SLC2A13: variants seen among roughly 807,000 people sequenced by gnomAD.
SLC2A13 encodes the protein solute carrier family 2 member 13.
In SLC2A13, 32 loss-of-function variants were observed where a neutral mutation model predicts 64.4. The observed-to-expected ratio is 0.50, with a 90% CI of 0.37 to 0.67. The LOEUF (loss-of-function observed/expected upper bound fraction) is 0.67, where lower values mean the gene tolerates loss of function less well. SLC2A13 is among the 30% of genes least tolerant of loss of function. The pLI, the probability that SLC2A13 is intolerant of heterozygous loss-of-function variation, is 0.00. For missense variants in SLC2A13, 743 were observed against 829.2 expected, an observed-to-expected ratio of 0.90 and a Z score of 1.28; for synonymous variants, 338 against 327.1, an observed-to-expected ratio of 1.03 and a Z score of -0.36.
chr12:40,058,726 A>C (rs1948372345), intron 1 of SLC2A13, among the ~76,000 whole-genome samples: 2 of 152,186 alleles, frequency 1.3e-5, no homozygotes, highest in Admixed American at 1.3e-4. Context: ...ATTTGAACAA[A>C]CTTTTTCCTG....
intron 1 of SLC2A13, among the ~76,000 whole-genome samples, chr12:40,077,372 C>T (rs1938216296): frequency 6.6e-6 from 1 of 152,172 alleles, no homozygotes; most frequent in Non-Finnish European, 1.5e-5. Flanking sequence ...TTGTATATGG[C>T]TAACCAGCTC....
intron 6 of SLC2A13, 200 bp from the exon 7 acceptor site, chr12:39,830,428 C>T: frequency 1.6e-6 from 2 of 1,287,780 alleles, no homozygotes; most frequent in Non-Finnish European, 2.0e-6. Context: ...CCTCTTTTGG[C>T]CACAGCAACT....
chr12:39,978,536 C>CT (rs1946810646), intron 3 of SLC2A13, among the ~76,000 whole-genome samples: 1 of 152,206 alleles, frequency 6.6e-6, no homozygotes, highest in African/African-American at 2.4e-5. Context: ...AGGGAGTTCC[C>CT]TTTCGGAGTC....
chr12:39,762,390 C>T (rs1940188154), intron 9 of SLC2A13, among the ~76,000 whole-genome samples: 1 of 118,372 alleles, frequency 8.4e-6, no homozygotes, highest in Non-Finnish European at 1.9e-5. Context: ...ATTAAAACAA[C>T]TATTTAATTG....
chr12:40,044,868 T>C (rs1324082888), intron 2 of SLC2A13, among the ~76,000 whole-genome samples: 1 of 152,278 alleles, frequency 6.6e-6, no homozygotes, highest in Admixed American at 6.5e-5. Flanking sequence ...ATTATGGCTG[T>C]TAGATTATAA....
Position 39,764,509 on chromosome 12 carries a change from G to A in SLC2A13, c.1671C>T (p.Val557=). The A allele has an allele frequency of 6.2e-7, 1 of 1,610,744 alleles. No homozygotes were observed. The highest frequency in any genetic ancestry group is 8.5e-7 in the Non-Finnish European group (1 of 1,178,888). ...TGTGTAAAAATGTTAGTGAAACCAG[G>A]ACATTGAAAATCCAGTTTATTCCAG... ...CSSGINWIFN[V]LVSLTFLHTA... Residue 557 remains valine, a synonymous_variant, in exon 9 of 10, where the codon GTC becomes GTT. Transcript: ENST00000280871.
intron 1 of SLC2A13, among the ~76,000 whole-genome samples, chr12:40,059,772 C>T (rs894159176): frequency 6.6e-5 from 10 of 152,124 alleles, no homozygotes; most frequent in African/African-American, 2.4e-4. Flanking sequence ...CTTACACTAA[C>T]AGAATGAATG....
chr12:39,934,765 A>G (rs919095002), intron 4 of SLC2A13, among the ~76,000 whole-genome samples: 5 of 152,150 alleles, frequency 3.3e-5, no homozygotes, highest in African/African-American at 1.2e-4. Flanking sequence ...TTTTTCAAAA[A>G]TAGAAATAGG....
chr12:40,078,387 T>C (rs1018685977), intron 1 of SLC2A13, among the ~76,000 whole-genome samples: 1 of 152,188 alleles, frequency 6.6e-6, no homozygotes, highest in Non-Finnish European at 1.5e-5. Flanking sequence ...TTGAAAGCCT[T>C]GTCTGTGTCT....
chr12:40,098,367 GAC>G lies in SLC2A13; in HGVS notation c.556+6884_556+6885del, dbSNP rs796694542. Among the ~76,000 whole-genome samples, 84 of 152,332 alleles carry G rather than the reference GAC, an allele frequency of 5.5e-4. 1 individual carries two copies. The highest frequency in any genetic ancestry group is 1.9e-3 in the African/African-American group (79 of 41,576). ...GAGGCTGGGGAATTTGTGTTTAATA[GAC>G]ACAGTGTTTCAGTTTTGCAAGATGA... On this transcript the variant is annotated intron_variant, in intron 1 of 9. Transcript: ENST00000280871.
intron 4 of SLC2A13, among the ~76,000 whole-genome samples, chr12:39,947,121 T>C (rs1268817935): frequency 1.3e-5 from 2 of 152,088 alleles, no homozygotes; most frequent in Non-Finnish European, 2.9e-5. Flanking sequence ...TCTGAGTTAA[T>C]AGAAGACAGA....
chr12:40,031,307 C>A (rs1443183444), intron 2 of SLC2A13, among the ~76,000 whole-genome samples: 1 of 152,092 alleles, frequency 6.6e-6, no homozygotes, highest in Non-Finnish European at 1.5e-5. Context: ...ACTGCAACCT[C>A]CGCCTCCCGG....
intron 7 of SLC2A13, among the ~76,000 whole-genome samples, chr12:39,816,919 A>G: frequency 6.6e-6 from 1 of 152,240 alleles, no homozygotes; most frequent in East Asian, 1.9e-4. Context: ...TAGCTTTTTT[A>G]CATCCTATAC....
chr12:39,798,168 A>T (rs1317655136), intron 7 of SLC2A13, among the ~76,000 whole-genome samples: 3 of 152,200 alleles, frequency 2.0e-5, no homozygotes, highest in Non-Finnish European at 4.4e-5. Flanking sequence ...GGCCTGTCGG[A>T]CAACAACCAG....
intron 6 of SLC2A13, among the ~76,000 whole-genome samples, chr12:39,833,761 C>T (rs751222601): frequency 6.6e-6 from 1 of 151,972 alleles, no homozygotes; most frequent in Non-Finnish European, 1.5e-5. Flanking sequence ...AATCTCAATC[C>T]TTATTCCTCC....
intron 1 of SLC2A13, among the ~76,000 whole-genome samples, chr12:40,090,004 T>C (rs986758549): frequency 2.0e-5 from 3 of 152,144 alleles, no homozygotes; most frequent in Non-Finnish European, 4.4e-5. Context: ...CTTCTTTTTT[T>C]TTATTGGCCA....
At position 40,106,064 on chromosome 12, in the gene SLC2A13, T is replaced by G. The variant is rs982224503; in HGVS notation, c.-256A>C. On this transcript the variant is annotated 5_prime_UTR_variant, in exon 1 of 10. Transcript: ENST00000280871. ...CACTCACGCCCCGCGCCTGCCGAGC[T>G]GGCGCTGCGGAGCGGGCGGGAGGCG... 1.8e-5 allele frequency: 6 copies of G among 338,800 alleles called. No homozygotes were observed. Among genetic ancestry groups the G allele is most frequent in the Non-Finnish European group, 5.2e-6 (1 of 193,186 alleles). 21.0% of individuals were successfully genotyped at this position (338,800 alleles called of 1,614,324 possible). A position where few individuals can be genotyped will look rare whatever the true frequency, so the allele number is the denominator to read the frequency against.
intron 2 of SLC2A13, among the ~76,000 whole-genome samples, chr12:40,037,653 C>T (rs909429946): frequency 2.0e-5 from 3 of 147,812 alleles, no homozygotes; most frequent in Non-Finnish European, 3.0e-5. Context: ...AAAAAAAATT[C>T]TATATGGGCC....
In SLC2A13 at chr12:40,100,251, G is replaced by A. The variant is rs574783012; in HGVS notation, c.556+5002C>T. Among the ~76,000 whole-genome samples, 19 of 152,268 alleles carry A rather than the reference G, an allele frequency of 1.2e-4. 1 individual carries two copies. In the South Asian group the frequency reaches 3.3e-3, roughly 27 times the overall value. On this transcript the variant is annotated intron_variant, in intron 1 of 9. Coordinates refer to ENST00000280871, the MANE Select transcript of SLC2A13 (RefSeq NM_052885.4). Reference sequence around the variant, plus strand: ...GATGTAAATCTAAGATTAATTCAACGAATCCCGTGCTGTATAAATTAGTAT... The same window carrying A: ...GATGTAAATCTAAGATTAATTCAACAAATCCCGTGCTGTATAAATTAGTAT...
Sources: gnomAD v4.1 joint callset for allele counts (sites outside exome capture counted in the v4.1 genomes callset) on GRCh38, gnomAD v4.1.1 for gene constraint, MANE v1.5 for transcripts, NCBI Gene and HGNC (gene_info 2026-07-23, HGNC 2026-07-21) for gene names.